The following SGMS2 variants were observed in gnomAD, a reference collection of about 807,000 sequenced individuals.
SGMS2 encodes sphingomyelin synthase 2, also known as phosphatidylcholine:ceramide cholinephosphotransferase 2.
In SGMS2, 21 loss-of-function variants were observed where a neutral mutation model predicts 43.8. The ratio of observed to expected loss-of-function variants is 0.48; its 90% CI spans 0.34 to 0.69. SGMS2 has a LOEUF of 0.69. Ranked by LOEUF, SGMS2 falls within the 30% of genes least tolerant of loss-of-function variation. The pLI is 0.01. For missense variants in SGMS2, 384 were observed against 443.2 expected (o/e 0.87, Z 1.20); for synonymous variants, 167 against 160.6 (o/e 1.04, Z -0.30).
intron 3 of SGMS2, among the ~76,000 whole-genome samples, chr4:107,898,252 T>A (rs1240665285): frequency 1.1e-5 from 1 of 87,104 alleles, no homozygotes; most frequent in Non-Finnish European, 2.6e-5. Flanking sequence ...GTCTAGGTGG[T>A]GTTCCCTTCT....
chr4:107,866,752 C>T (rs1255213981), intron 2 of SGMS2, among the ~76,000 whole-genome samples: 1 of 151,860 alleles, frequency 6.6e-6, no homozygotes, highest in Non-Finnish European at 1.5e-5. Context: ...TTTTATTTAC[C>T]TTTTTAAACT....
At position 107,908,357 on chromosome 4, in the gene SGMS2, T is replaced by C. The variant is rs1216972625; in HGVS notation, c.728-208T>C. 5.7e-5 allele frequency: 30 copies of C among 526,366 alleles called. No individual in the cohort carries two copies. In the South Asian group the frequency reaches 7.3e-4, roughly 13 times the overall value. 32.6% of individuals were successfully genotyped at this position (526,366 alleles called of 1,614,324 possible). On this transcript the variant is annotated intron_variant, in intron 5 of 6. Coordinates refer to ENST00000690982, the MANE Select transcript of SGMS2 (RefSeq NM_001375905.1). ...TACCAGCTTCCCCAGTGAATGACTA[T>C]TACGCCCGCTGCCAGGGAGCCCCTC...
At chr4:107,908,483 A>C in intron 5 of SGMS2, 82 bp from the exon 6 acceptor site, 1 of 1,370,310 alleles carries the variant, frequency 7.3e-7, no homozygotes, top group Middle Eastern at 2.0e-4. Flanking sequence ...GGGTTATTCT[A>C]CTTAAGGTCG....
intron 1 of SGMS2, among the ~76,000 whole-genome samples, chr4:107,839,378 G>A (rs193200020): frequency 0.027 from 3,790 of 138,234 alleles, 115 homozygotes; most frequent in East Asian, 0.1. Context: ...TGTGGAAGTG[G>A]TTTTTTTTTT....
At chr4:107,889,161 A>G (rs1729999616) in intron 2 of SGMS2, among the ~76,000 whole-genome samples, 1 of 152,182 alleles carries the variant, frequency 6.6e-6, no homozygotes, top group Non-Finnish European at 1.5e-5. Flanking sequence ...CAAAGCCACA[A>G]GATTAGAAGT....
chr4:107,883,491 T>C (rs1435373740), intron 2 of SGMS2, among the ~76,000 whole-genome samples: 2 of 152,276 alleles, frequency 1.3e-5, no homozygotes, highest in South Asian at 2.1e-4. Context: ...ATTTTTTGTA[T>C]TTTTAGTAGA....
Position 107,865,346 on chromosome 4 carries a change from TACCTTTAA to T in SGMS2, c.-245+6796_-245+6803del, listed in dbSNP as rs1728039993. Among the ~76,000 whole-genome samples the T allele has an allele frequency of 2.6e-5, 4 of 152,348 alleles. 1 individual carries two copies. Among genetic ancestry groups the T allele is most frequent in the South Asian group, 4.1e-4 (2 of 4,832 alleles). On this transcript the variant is annotated intron_variant, in intron 2 of 6. Transcript: ENST00000690982. ...ATCTAGCTTAATACTGTAAATTGTCTACCTTTAAACATTAATGCTAATGGAATTTATAG... is the reference window on the plus strand; with the variant it reads ...ATCTAGCTTAATACTGTAAATTGTCTACATTAATGCTAATGGAATTTATAG...
At chr4:107,899,744 T>C (rs377172174) in intron 4 of SGMS2, 52 bp downstream of exon 4, 1 of 1,224,036 alleles carries the variant, frequency 8.2e-7, no homozygotes, top group African/African-American at 1.5e-5. Context: ...CAGTTATTGA[T>C]CACTTACCCT....
chr4:107,849,942 G>A (rs1727046039), intron 1 of SGMS2, among the ~76,000 whole-genome samples: 2 of 152,186 alleles, frequency 1.3e-5, no homozygotes, highest in African/African-American at 4.8e-5. Flanking sequence ...TTGGATGTGT[G>A]TCCCCACCCA....
At chr4:107,828,006 A>G (rs1263892261) in intron 1 of SGMS2, among the ~76,000 whole-genome samples, 2 of 152,092 alleles carry the variant, frequency 1.3e-5, no homozygotes, top group African/African-American at 2.4e-5. Flanking sequence ...AAAACAAAAC[A>G]AAAAAAGATT....
At chr4:107,865,834 G>C (rs2126042800) in intron 2 of SGMS2, among the ~76,000 whole-genome samples, 1 of 152,212 alleles carries the variant, frequency 6.6e-6, no homozygotes, top group African/African-American at 2.4e-5. Context: ...GTTCCATTCA[G>C]ATGCCTTAAG....
At chr4:107,907,671 T>C (rs1578670294) in intron 5 of SGMS2, among the ~76,000 whole-genome samples, 2 of 152,234 alleles carry the variant, frequency 1.3e-5, no homozygotes, top group Non-Finnish European at 2.9e-5. Context: ...TTCAATCATC[T>C]TTCTACATGT....
intron 3 of SGMS2, among the ~76,000 whole-genome samples, chr4:107,898,191 G>A (rs1294799117): frequency 2.0e-5 from 3 of 151,520 alleles, no homozygotes; most frequent in Non-Finnish European, 4.4e-5. Context: ...AACTAGAATA[G>A]CAAGCCTTTA....
chr4:107,830,690 A>G (rs1051422599), intron 1 of SGMS2, among the ~76,000 whole-genome samples: 14 of 151,928 alleles, frequency 9.2e-5, no homozygotes, highest in African/African-American at 3.4e-4. Context: ...TTGAGAAGTC[A>G]GTTTGTGGGT....
chr4:107,905,091 C>T (rs993404498), intron 5 of SGMS2, among the ~76,000 whole-genome samples: 1 of 152,150 alleles, frequency 6.6e-6, no homozygotes, highest in Non-Finnish European at 1.5e-5. Flanking sequence ...CTGATATTAA[C>T]TGTATTAGTC....
At chr4:107,869,928 G>T (rs1282433869) in intron 2 of SGMS2, among the ~76,000 whole-genome samples, 1 of 152,162 alleles carries the variant, frequency 6.6e-6, no homozygotes, top group Non-Finnish European at 1.5e-5. Context: ...GGTCAGTAAA[G>T]CAGGAAATAG....
chr4:107,875,308 T>C (rs563117887), intron 2 of SGMS2, among the ~76,000 whole-genome samples: 18 of 152,300 alleles, frequency 1.2e-4, no homozygotes, highest in African/African-American at 4.3e-4. Flanking sequence ...ATATATACCA[T>C]GGAATACTAT....
chr4:107,833,632 A>G (rs957624482), intron 1 of SGMS2, among the ~76,000 whole-genome samples: 2 of 152,218 alleles, frequency 1.3e-5, no homozygotes, highest in African/African-American at 2.4e-5. Flanking sequence ...AGTAATGACA[A>G]TATTCCAAAA....
At chr4:107,906,206 A>G (rs1265433877) in intron 5 of SGMS2, among the ~76,000 whole-genome samples, 1 of 152,050 alleles carries the variant, frequency 6.6e-6, no homozygotes, top group Non-Finnish European at 1.5e-5. Flanking sequence ...ATATTTTTTT[A>G]CTTTCCCGCC....
Sources: gnomAD v4.1 joint callset for allele counts (sites outside exome capture counted in the v4.1 genomes callset) on GRCh38, gnomAD v4.1.1 for gene constraint, MANE v1.5 for transcripts, NCBI Gene and HGNC (gene_info 2026-07-23, HGNC 2026-07-21) for gene names.